The following EP400 variants were observed in gnomAD, a reference collection of about 807,000 sequenced individuals.
EP400 encodes E1A binding protein p400.
EP400 carries 105 observed loss-of-function variants against 354.1 expected under a neutral mutation model. The ratio of observed to expected loss-of-function variants is 0.30; its 90% CI spans 0.25 to 0.35. EP400 has a LOEUF of 0.35. Among genes scored for constraint, EP400 ranks in the 10% least tolerant of loss-of-function variants. EP400 has a pLI of 1.00. For synonymous variants in EP400, 1,646 were observed against 1,716.9 expected (o/e 0.96, Z 1.02); for missense variants, 3,280 against 4,121.0 (o/e 0.80, Z 5.59).
rs139840290 is a variant in EP400 at position 132,064,980 on chromosome 12, A to C, written c.8553+94A>C. On this transcript the variant is annotated intron_variant, in intron 48 of 52. Coordinates refer to ENST00000389561, the MANE Select transcript of EP400 (RefSeq NM_015409.5). ...TGCTCAGGTGCGTGTCACGTGTTAC[A>C]GGAGTGAGTGTGAGACGGGTTCTTT... 5.6e-4 allele frequency: 844 copies of C among 1,499,764 alleles called. 8 individuals carry two copies. The African/African-American group carries it at 0.01, about 18-fold the overall frequency. The allele number at this position is 1,499,764 out of a possible 1,614,324, so 92.9% of individuals were successfully genotyped here.
rs140700940 is a variant in EP400, at chr12:132,044,841, C to G, written c.6672C>G (p.Ile2224Met). Reference sequence around the variant, plus strand: ...CCCCGCCGCAGGACGACAGCGACATCTACCTCGACTCGGTCATGTGTCTCA... The same window carrying G: ...CCCCGCCGCAGGACGACAGCGACATGTACCTCGACTCGGTCATGTGTCTCA... ...PPTPPQDDSD[I>M]YLDSVMCLMY... The change falls in exon 37 of 53, where the codon ATC becomes ATG. Residue 2224 changes from isoleucine (I) to methionine (M), a missense_variant. By Grantham distance (10) the Ile-to-Met change is conservative (BLOSUM62 1). Around this residue, in one of 20 missense-constraint regions of EP400, gnomAD observed 231 missense variants for 257.9 expected, o/e 0.90. Transcript: ENST00000389561. 1.7e-5 allele frequency: 28 copies of G among 1,614,098 alleles called. No individual in the cohort carries two copies. Among genetic ancestry groups the G allele is most frequent in the Non-Finnish European group, 2.1e-5 (25 of 1,180,054 alleles).
intron 13 of EP400, 27 bp from the exon 14 acceptor site, chr12:132,006,085 C>T: frequency 3.1e-6 from 5 of 1,592,968 alleles, no homozygotes; most frequent in Non-Finnish European, 3.4e-6. Context: ...CAGTGGCCCT[C>T]ACTTCTCTGT....
At chr12:132,039,271 A>C (rs559912904) in intron 32 of EP400, among the ~76,000 whole-genome samples, 112 of 152,316 alleles carry the variant, frequency 7.4e-4, no homozygotes, top group Non-Finnish European at 1.0e-3. Context: ...TTTATTTTAA[A>C]AAGGGGTTTA....
chr12:132,027,569 A>T lies in EP400; in HGVS notation c.5109+38A>T. 6.5e-7 allele frequency: 1 copy of T among 1,543,370 alleles called. No individual in the cohort carries two copies. Among genetic ancestry groups the T allele is most frequent in the South Asian group, 1.2e-5 (1 of 83,756 alleles). On this transcript the variant is annotated intron_variant, in intron 26 of 52. Transcript: ENST00000389561. The surrounding 1 kb of genome is among the most constrained non-coding windows in gnomAD (Gnocchi z 4.9). The stretch of plus-strand genomic sequence containing the variant: ...GCTTGAGACCCCGGTGCACGTGGAC[A>T]GGTAGCTTTCCAAGAGCTGCTCGTT...
In EP400 at chr12:132,030,234, A is replaced by G. The variant is rs1894443641; in HGVS notation, c.5754+76A>G. 7 of 1,536,088 alleles carry G rather than the reference A, an allele frequency of 4.6e-6. No individual in the cohort carries two copies. The Admixed American group carries it at 1.3e-4, about 28-fold the overall frequency. ...GAATGCCTAAGTGCTGTGTAAATTC[A>G]GTGGTCTCATGGCCCTTCTAAGTGA... is the stretch of plus-strand genomic sequence containing the variant. On this transcript the variant is annotated intron_variant, in intron 29 of 52. Transcript: ENST00000389561.
rs992196125 is a variant in EP400 at position 131,961,952 on chromosome 12, G to A, written c.1333G>A (p.Glu445Lys). The A allele has an allele frequency of 2.5e-6, 4 of 1,609,322 alleles. No homozygotes were observed. The highest frequency in any genetic ancestry group is 1.3e-5 in the African/African-American group (1 of 74,794). ...AGAAAAATCTGAGGTTATCAATGAC[G>A]AGGTAAGAAACAGGAGTTAATTTGT... ...EEEKSEVIND[E>K]QQALAGSLVA... Residue 445 changes from glutamate to lysine, a missense_variant and splice_region_variant, in exon 2 of 53, where the codon GAG becomes AAG. Transcript: ENST00000389561.
intron 51 of EP400, among the ~76,000 whole-genome samples, chr12:132,074,662 T>A (rs1316864115): frequency 2.0e-5 from 3 of 152,238 alleles, no homozygotes; most frequent in African/African-American, 7.2e-5. Flanking sequence ...GTATTTTCTG[T>A]GTCTTTGTCT....
intron 1 of EP400, among the ~76,000 whole-genome samples, chr12:131,957,112 C>A (rs182921205): frequency 3.2e-4 from 49 of 152,070 alleles, no homozygotes; most frequent in African/African-American, 1.1e-3. Flanking sequence ...CTCAGGTGAT[C>A]CACCCACCTC....
At chr12:131,997,131 C>T (rs765422559) in intron 12 of EP400, among the ~76,000 whole-genome samples, 4 of 152,070 alleles carry the variant, frequency 2.6e-5, no homozygotes, top group Non-Finnish European at 5.9e-5. Flanking sequence ...AGTGCCAACC[C>T]GCCCCCACCA....
chr12:132,027,121 G>A lies in EP400; in HGVS notation c.5015-316G>A, dbSNP rs926973777. On this transcript the variant is annotated intron_variant, in intron 25 of 52. Transcript: ENST00000389561. The surrounding 1 kb of genome is among the most constrained non-coding windows in gnomAD (Gnocchi z 4.9). ...ATGGCGATGGGGTACCCAGGGCCTCGGAGGTGTGCTGGGATGCTTCTGGGT... is the reference window on the plus strand; with the variant it reads ...ATGGCGATGGGGTACCCAGGGCCTCAGAGGTGTGCTGGGATGCTTCTGGGT... Among the ~76,000 whole-genome samples the A allele has an allele frequency of 2.6e-5, 4 of 152,172 alleles. No individual in the cohort carries two copies. The highest frequency in any genetic ancestry group is 4.4e-5 in the Non-Finnish European group (3 of 68,034).
intron 2 of EP400, among the ~76,000 whole-genome samples, chr12:131,962,337 A>G (rs781446929): frequency 2.6e-4 from 39 of 152,204 alleles, no homozygotes; most frequent in Non-Finnish European, 5.3e-4. Flanking sequence ...TCACCAGCCA[A>G]ACGTGTGAAA....
Position 132,066,782 on chromosome 12 carries a change from T to C in EP400, c.8562T>C (p.Val2854=). ...TTATTTCTACTGTTTAGACCCGGGTTCCCACTTCTCAGCTGCAGGCGCAAG... is the reference window on the plus strand; with the variant it reads ...TTATTTCTACTGTTTAGACCCGGGTCCCCACTTCTCAGCTGCAGGCGCAAG... ...ANLQVARLTR[V]PTSQLQAQGQ... is the part of the protein sequence containing the mutation. Residue 2854 remains valine (V), a synonymous_variant, in exon 49 of 53, where the codon GTT becomes GTC. Transcript: ENST00000389561. The C allele has an allele frequency of 1.9e-6, 3 of 1,613,834 alleles. No homozygotes were observed. The highest frequency in any genetic ancestry group is 1.7e-6 in the Non-Finnish European group (2 of 1,179,862).
At chr12:131,965,051 A>T (rs1307184551) in intron 2 of EP400, among the ~76,000 whole-genome samples, 1 of 152,152 alleles carries the variant, frequency 6.6e-6, no homozygotes, top group Non-Finnish European at 1.5e-5. Context: ...GTGTCCTTTG[A>T]TGTGGGATTG....
chr12:131,963,794 A>G (rs940353661), intron 2 of EP400, among the ~76,000 whole-genome samples: 8 of 152,300 alleles, frequency 5.3e-5, no homozygotes, highest in South Asian at 2.1e-4. Context: ...TGCGTATACA[A>G]TTATAAAATT....
chr12:132,005,215 G>T, intron 13 of EP400, 31 bp downstream of exon 13: 1 of 1,492,048 alleles, frequency 6.7e-7, no homozygotes, highest in Middle Eastern at 1.7e-4. Context: ...AGAATTCAGG[G>T]TTAAAAGCAG....
At chr12:132,005,774 C>T (rs931024889) in intron 13 of EP400, among the ~76,000 whole-genome samples, 3 of 152,084 alleles carry the variant, frequency 2.0e-5, no homozygotes, top group South Asian at 2.1e-4. Flanking sequence ...TGGTGATAGA[C>T]GGGAGATCCC....
chr12:132,062,363 T>TCTGG, intron 46 of EP400, 40 bp downstream of exon 46: 1 of 1,612,124 alleles, frequency 6.2e-7, no homozygotes, highest in East Asian at 2.2e-5. Flanking sequence ...ACACGTCTGC[T>TCTGG]CTGGCGCGTG....
Position 131,993,199 on chromosome 12 carries a change from A to G in EP400, c.2737+969A>G, listed in dbSNP as rs1893100698. Among the ~76,000 whole-genome samples, 4 of 151,960 alleles carry G rather than the reference A, an allele frequency of 2.6e-5. No individual in the cohort carries two copies. The South Asian group carries it at 8.3e-4, about 32-fold the overall frequency. On this transcript the variant is annotated intron_variant, in intron 11 of 52. Transcript: ENST00000389561. ...GGACTACTACGCAGCTAATTTTTGT[A>G]TTTTTAGTAGAGATGGGGTTTCACC...
At chr12:132,062,799 G>A (rs1315806467) in intron 47 of EP400, 98 bp downstream of exon 47, 58 of 1,487,374 alleles carry the variant, frequency 3.9e-5, no homozygotes, top group Non-Finnish European at 5.0e-5. Flanking sequence ...AGTCCAGAGT[G>A]TATTTTGCAA....
Sources: allele counts gnomAD v4.1 joint callset (sites outside exome capture counted in the v4.1 genomes callset), GRCh38; gene constraint gnomAD v4.1.1; regional missense constraint gnomAD v4.1.1; non-coding constraint Gnocchi (gnomAD v3.1); transcripts MANE v1.5; gene names NCBI Gene and HGNC (gene_info 2026-07-23, HGNC 2026-07-21).